Variants in MDGA2 observed in about 807,000 individuals in gnomAD.
MDGA2 encodes MAM domain-containing glycosylphosphatidylinositol anchor protein 2.
Under a neutral mutation model 117.8 loss-of-function variants are expected in MDGA2, and 40 were observed. That is an observed-to-expected ratio of 0.34 (90% CI 0.26 to 0.44). The LOEUF (loss-of-function observed/expected upper bound fraction) is 0.44. MDGA2 is among the 20% of genes least tolerant of loss of function. The probability of loss-of-function intolerance (pLI) is 1.00; values close to 1 mark genes in which losing one functional copy is unlikely to be tolerated. For missense variants in MDGA2, 1,123 were observed against 1,250.6 expected (o/e 0.90, Z 1.54); for synonymous variants, 452 against 439.0 (o/e 1.03, Z -0.37).
chr14:47,552,170 C>T (rs1212730415), intron 1 of MDGA2, among the ~76,000 whole-genome samples: 1 of 152,016 alleles, frequency 6.6e-6, no homozygotes, highest in East Asian at 1.9e-4. Context: ...CAGGATTAGC[C>T]CTTGACCTTC....
intron 1 of MDGA2, among the ~76,000 whole-genome samples, chr14:47,659,972 C>G (rs1023525836): frequency 3.3e-5 from 5 of 152,140 alleles, no homozygotes; most frequent in Non-Finnish European, 5.9e-5. Flanking sequence ...CCATTAGTTT[C>G]AAGCATTTGG....
At chr14:47,193,344 T>C (rs1241214110) in intron 3 of MDGA2, among the ~76,000 whole-genome samples, 1 of 152,160 alleles carries the variant, frequency 6.6e-6, no homozygotes, top group Non-Finnish European at 1.5e-5. Context: ...CACTATTAAC[T>C]ACTTTAATAT....
chr14:47,204,536 C>A (rs1885615661), intron 3 of MDGA2, among the ~76,000 whole-genome samples: 1 of 151,926 alleles, frequency 6.6e-6, no homozygotes, highest in Non-Finnish European at 1.5e-5. Context: ...AGTACAGAAA[C>A]TATATTCATG....
At chr14:47,343,296 C>G in intron 1 of MDGA2, 1 of 1,118,226 alleles carries the variant, frequency 8.9e-7, no homozygotes. Context: ...TAACTAAGTT[C>G]TAAGTAGTAA....
chr14:47,025,484 T>C (rs982838617), intron 8 of MDGA2, among the ~76,000 whole-genome samples: 10 of 152,094 alleles, frequency 6.6e-5, no homozygotes, highest in African/African-American at 2.2e-4. Flanking sequence ...AGAGTTCCCA[T>C]CCCCAAATTA....
At chr14:47,292,129 G>A (rs954766950) in intron 2 of MDGA2, among the ~76,000 whole-genome samples, 8 of 152,222 alleles carry the variant, frequency 5.3e-5, no homozygotes, top group South Asian at 4.1e-4. Flanking sequence ...ATCATAATCC[G>A]CCTGACTTTT....
intron 14 of MDGA2, among the ~76,000 whole-genome samples, chr14:46,868,608 T>C (rs1491908): frequency 0.3 from 46,300 of 151,880 alleles, 7,370 homozygotes; most frequent in South Asian, 0.52. Context: ...TATGGACTTT[T>C]TAAAAAAGAC....
chr14:47,268,076 T>C (rs906098891), intron 2 of MDGA2, among the ~76,000 whole-genome samples: 7 of 141,308 alleles, frequency 5.0e-5, no homozygotes, highest in African/African-American at 1.8e-4. Flanking sequence ...CCTTTTCTTC[T>C]TTTTTTTTTT....
chr14:47,267,602 G>C (rs1227498908), intron 2 of MDGA2, among the ~76,000 whole-genome samples: 1 of 152,014 alleles, frequency 6.6e-6, no homozygotes, highest in Non-Finnish European at 1.5e-5. Context: ...AATGGTTTAA[G>C]TGTATGCATA....
At chr14:47,112,573 G>A (rs1394482424) in intron 5 of MDGA2, among the ~76,000 whole-genome samples, 5 of 151,972 alleles carry the variant, frequency 3.3e-5, no homozygotes, top group Admixed American at 6.6e-5. Flanking sequence ...AAAGAACATC[G>A]TTCCTTTCTC....
At chr14:46,995,025 TAA>T (rs1887236140) in intron 8 of MDGA2, among the ~76,000 whole-genome samples, 1 of 152,166 alleles carries the variant, frequency 6.6e-6, no homozygotes, top group Admixed American at 6.5e-5. Context: ...TTCTGAATTC[TAA>T]GTTTATCTTG....
chr14:47,074,589 C>G (rs943020011), intron 6 of MDGA2, among the ~76,000 whole-genome samples: 1 of 152,208 alleles, frequency 6.6e-6, no homozygotes, highest in Non-Finnish European at 1.5e-5. Flanking sequence ...CGTGAGCCAC[C>G]GCGCCCAGCC....
rs149034702 is a variant in MDGA2 at position 46,876,907 on chromosome 14, A to G, written c.2437+582T>C. On this transcript the variant is annotated intron_variant, in intron 12 of 16. Transcript: ENST00000399232. ...GAGAGAGAAGTTTTCATATATGGGA[A>G]TATTTTTCAGGTAGATACATATCAT... 9.9e-5 allele frequency among the ~76,000 whole-genome samples: 15 copies of G among 151,762 alleles called. No individual in the cohort carries two copies. In the East Asian group the frequency reaches 2.7e-3, roughly 27 times the overall value.
chr14:47,491,060 A>G (rs1368378960), intron 1 of MDGA2, among the ~76,000 whole-genome samples: 2 of 152,178 alleles, frequency 1.3e-5, no homozygotes. Context: ...GATTAGATAG[A>G]TAAACAAATC....
At chr14:47,218,752 A>G (rs1383520049) in intron 2 of MDGA2, among the ~76,000 whole-genome samples, 2 of 152,106 alleles carry the variant, frequency 1.3e-5, no homozygotes, top group Non-Finnish European at 2.9e-5. Context: ...GCTTTGCTTA[A>G]TAAGCCCACA....
Position 47,550,987 on chromosome 14 carries a change from C to T in MDGA2, c.280+123530G>A, listed in dbSNP as rs8013447. Among the ~76,000 whole-genome samples, 1,138 of 152,140 alleles carry T rather than the reference C, an allele frequency of 7.5e-3. 15 individuals are homozygous for T. Among genetic ancestry groups the T allele is most frequent in the African/African-American group, 0.026 (1,080 of 41,496 alleles). On this transcript the variant is annotated intron_variant, in intron 1 of 16. Transcript: ENST00000399232. ...CTCTATGGAACATGTAGGAGGCAAA[C>T]CAACCTAGCCTTTTTAAAGCACAAA...
At chr14:47,402,252 T>C (rs562178152) in intron 1 of MDGA2, among the ~76,000 whole-genome samples, 2 of 151,966 alleles carry the variant, frequency 1.3e-5, no homozygotes, top group South Asian at 4.2e-4. Context: ...GTGGTATTGT[T>C]ACTACTATGT....
chr14:47,586,891 A>T (rs569434615), intron 1 of MDGA2, among the ~76,000 whole-genome samples: 1 of 151,882 alleles, frequency 6.6e-6, no homozygotes, highest in Admixed American at 6.6e-5. Context: ...GTCCGTTTCC[A>T]GTGATGTTCA....
chr14:47,369,348 A>G (rs1404933742), intron 1 of MDGA2, among the ~76,000 whole-genome samples: 1 of 152,174 alleles, frequency 6.6e-6, no homozygotes, highest in African/African-American at 2.4e-5. Flanking sequence ...ATCTTTGTAC[A>G]TATAATTTTG....
Sources: gnomAD v4.1 joint callset for allele counts (sites outside exome capture counted in the v4.1 genomes callset) on GRCh38, gnomAD v4.1.1 for gene constraint, MANE v1.5 for transcripts, NCBI Gene and HGNC (gene_info 2026-07-23, HGNC 2026-07-21) for gene names.